Variants in WDR46 observed in about 807,000 individuals in gnomAD.
WDR46 encodes the protein WD repeat domain 46, also known as WD repeat-containing protein 46.
WDR46 carries 58 observed loss-of-function variants against 74.7 expected under a neutral mutation model. The observed-to-expected ratio is 0.78, with a 90% CI of 0.63 to 0.97. The LOEUF (loss-of-function observed/expected upper bound fraction) is 0.97, where lower values mean the gene tolerates loss of function less well. Among genes scored for constraint, WDR46 ranks in the 50% least tolerant of loss-of-function variants. The pLI, the probability that WDR46 is intolerant of heterozygous loss-of-function variation, is 0.00. For synonymous variants in WDR46, 278 were observed against 297.3 expected, an observed-to-expected ratio of 0.93 and a Z score of 0.67; for missense variants, 702 against 790.1, an observed-to-expected ratio of 0.89 and a Z score of 1.34.
At chr6:33,283,048 C>A (rs111270492) in intron 10 of WDR46, among the ~76,000 whole-genome samples, 7,427 of 151,962 alleles carry the variant, frequency 0.049, 386 homozygotes, top group African/African-American at 0.13. Context: ...ATCTGTACTA[C>A]AAATACAAAA....
chr6:33,279,718 T>C, intron 13 of WDR46, 46 bp downstream of exon 13: 3 of 1,612,104 alleles, frequency 1.9e-6, no homozygotes, highest in Non-Finnish European at 2.5e-6. Flanking sequence ...GGGGAGAGGA[T>C]GTGGGGGAGA....
In WDR46 at chr6:33,288,039, A is replaced by C. The variant is rs774015317; in HGVS notation, c.562-13T>G. ...TCAAGTCAAAGTGCTGGGAAAGAGA[A>C]GAGTGAAAAAAAAGAGTGCCCTGCA... On this transcript the variant is annotated splice_polypyrimidine_tract_variant and intron_variant, in intron 5 of 14. Coordinates refer to ENST00000374617, the MANE Select transcript of WDR46 (RefSeq NM_005452.6). 1.9e-6 allele frequency: 3 copies of C among 1,614,138 alleles called. No individual in the cohort carries two copies. Among genetic ancestry groups the C allele is most frequent in the East Asian group, 4.5e-5 (2 of 44,886 alleles).
intron 12 of WDR46, among the ~76,000 whole-genome samples, 153 bp downstream of exon 12, chr6:33,280,250 TACCTTCTCCAGCAGGGGGGAACCTG>T (rs1766023945): frequency 1.5e-5 from 2 of 136,766 alleles, no homozygotes; most frequent in African/African-American, 5.8e-5. Context: ...GAGGAAACCT[TACCTTCTCCAGCAGGGGGGAACCTG>T]ACCTTCTCCA....
intron 12 of WDR46, among the ~76,000 whole-genome samples, chr6:33,280,080 C>T (rs1253148141): frequency 6.6e-6 from 1 of 152,092 alleles, no homozygotes; most frequent in Non-Finnish European, 1.5e-5. Flanking sequence ...GCAATCTCAC[C>T]CTCTCCAGCA....
At position 33,279,170 on chromosome 6, in the gene WDR46, T is replaced by G; in HGVS notation, c.*106A>C. 2 of 1,483,966 alleles carry G rather than the reference T, an allele frequency of 1.3e-6. No individual in the cohort carries two copies. Among genetic ancestry groups the G allele is most frequent in the South Asian group, 1.2e-5 (1 of 80,636 alleles). 91.9% of individuals were successfully genotyped at this position (1,483,966 alleles called of 1,614,324 possible). A position where few individuals can be genotyped will look rare whatever the true frequency, so the allele number is the denominator to read the frequency against. ...CCAGGAGACAGCTGTCCACCCCCAGTTGGGGAAGGGGCCACACTGCCCCCA... is the reference window on the plus strand; with the variant it reads ...CCAGGAGACAGCTGTCCACCCCCAGGTGGGGAAGGGGCCACACTGCCCCCA... On this transcript the variant is annotated 3_prime_UTR_variant, in exon 15 of 15. Transcript: ENST00000374617.
chr6:33,284,633 G>A (rs893776092), intron 10 of WDR46: 20 of 153,662 alleles, frequency 1.3e-4, no homozygotes, highest in African/African-American at 4.6e-4. Flanking sequence ...GCTTATATGA[G>A]GGCTTTAAAC....
rs752513685 is a variant in WDR46 at position 33,287,556 on chromosome 6, A to T, written c.729-51T>A. 4.3e-6 allele frequency: 7 copies of T among 1,613,650 alleles called. No homozygotes were observed. In the East Asian group the frequency reaches 1.6e-4, roughly 36 times the overall value. On this transcript the variant is annotated intron_variant, in intron 7 of 14. Coordinates refer to ENST00000374617, the MANE Select transcript of WDR46 (RefSeq NM_005452.6). The stretch of plus-strand genomic sequence containing the variant: ...TTGGGAAATGAGGTCACAGGCTATC[A>T]TTCAATCAGGAATGGACTATCTCAC...
Position 33,288,044 on chromosome 6 carries a change from G to GA in WDR46, c.562-19dup, listed in dbSNP as rs760274083. The GA allele has an allele frequency of 6.2e-6, 10 of 1,613,548 alleles. No individual in the cohort carries two copies. The highest frequency in any genetic ancestry group is 3.3e-5 in the Admixed American group (2 of 59,954). On this transcript the variant is annotated intron_variant, in intron 5 of 14. Transcript: ENST00000374617. ...TCAAAGTGCTGGGAAAGAGAAGAGT[G>GA]AAAAAAAAGAGTGCCCTGCAGTAAC... is the stretch of plus-strand genomic sequence containing the variant.
Position 33,287,661 on chromosome 6 carries a change from CTTT to C in WDR46, c.678_680del (p.Lys228del). 2.5e-6 allele frequency: 4 copies of C among 1,614,040 alleles called. No individual in the cohort carries two copies. The highest frequency in any genetic ancestry group is 1.6e-4 in the Middle Eastern group (1 of 6,062). On this transcript the variant is annotated inframe_deletion, in exon 7 of 15. Coordinates refer to ENST00000374617, the MANE Select transcript of WDR46 (RefSeq NM_005452.6). ...TGACGTTGATCTCGCACATAAGCTT[CTTT>C]GTTACCCAATCAAGGGCAGCCACAT...
chr6:33,287,976 A>G lies in WDR46; in HGVS notation c.612T>C (p.Ser204=). 1 of 1,614,194 alleles carries G rather than the reference A, an allele frequency of 6.2e-7. No homozygotes were observed. Among genetic ancestry groups the G allele is most frequent in the Non-Finnish European group, 8.5e-7 (1 of 1,180,020 alleles). ...GAATTCAACCTTACCTTCCAGTTCG[A>G]GAGTAGTTTAGTCTGTAGGGTCCAA... The part of the protein sequence containing the change: ...RQFGPYRLNY[S]RTGRHLAFGG... Residue 204 remains serine (S), a synonymous_variant, in exon 6 of 15, where the codon TCT becomes TCC. Coordinates refer to ENST00000374617, the MANE Select transcript of WDR46 (RefSeq NM_005452.6).
intron 10 of WDR46, among the ~76,000 whole-genome samples, chr6:33,285,335 T>C (rs1170991055): frequency 6.6e-6 from 1 of 151,950 alleles, no homozygotes; most frequent in Non-Finnish European, 1.5e-5. Flanking sequence ...CCTGAGTAGC[T>C]GGGACTACAG....
intron 11 of WDR46, 63 bp from the exon 12 acceptor site, chr6:33,280,585 C>A: frequency 6.2e-7 from 1 of 1,601,772 alleles, no homozygotes; most frequent in African/African-American, 1.3e-5. Flanking sequence ...CAGCTCCAGC[C>A]CAACTAAGCC....
At chr6:33,284,999 C>T (rs1766491360) in intron 10 of WDR46, among the ~76,000 whole-genome samples, 1 of 152,222 alleles carries the variant, frequency 6.6e-6, no homozygotes, top group Non-Finnish European at 1.5e-5. Context: ...TCACATATCA[C>T]CTATCATTAC....
chr6:33,288,884 A>G lies in WDR46; in HGVS notation c.199T>C (p.Ser67Pro). 1 of 1,613,900 alleles carries G rather than the reference A, an allele frequency of 6.2e-7. No individual in the cohort carries two copies. Among genetic ancestry groups the G allele is most frequent in the South Asian group, 1.1e-5 (1 of 91,066 alleles). Residue 67 changes from serine to proline, a missense_variant, in exon 2 of 15, where the codon TCT becomes CCT. Physicochemically the swap from Ser to Pro is moderately conservative, Grantham distance 74. Coordinates refer to ENST00000374617, the MANE Select transcript of WDR46 (RefSeq NM_005452.6). ...ACCTGAGGCTTCTTAGAGATCCGAG[A>G]CTTCTTTAAGATGTAAGCATTTTTT... ...RPKNAYILKK[S>P]RISKKPQVPK...
intron 10 of WDR46, among the ~76,000 whole-genome samples, chr6:33,281,387 A>T (rs1415070044): frequency 1.3e-5 from 2 of 152,194 alleles, no homozygotes; most frequent in African/African-American, 4.8e-5. Context: ...AAGGGGAAGG[A>T]GCATGTGCAG....
At chr6:33,282,486 C>T (rs962390249) in intron 10 of WDR46, among the ~76,000 whole-genome samples, 4 of 152,166 alleles carry the variant, frequency 2.6e-5, no homozygotes, top group African/African-American at 9.7e-5. Flanking sequence ...AAAGACCAGC[C>T]CAGTGCCAAA....
chr6:33,285,037 A>C lies in WDR46; in HGVS notation c.1115+1758T>G, dbSNP rs567151432. On this transcript the variant is annotated intron_variant, in intron 10 of 14. Transcript: ENST00000374617. ...GTGTGAAAAGATGTTTTCAAAGATG[A>C]AATACTTGCAATCTCTACAGATCAG... 4.6e-5 allele frequency among the ~76,000 whole-genome samples: 7 copies of C among 152,340 alleles called. No homozygotes were observed. In the South Asian group the frequency reaches 1.2e-3, roughly 27 times the overall value.
In WDR46 at chr6:33,281,061, ATCAAGTCTGGC is replaced by A. The variant is rs1326681837; in HGVS notation, c.1116-85_1116-75del. On this transcript the variant is annotated intron_variant, in intron 10 of 14. Transcript: ENST00000374617. ...AAGCAAGCTGTGGCCAAGTCCAGGC[ATCAAGTCTGGC>A]TGGGGAGAAAAAGATTAATAGTAAT... 2.7e-6 allele frequency: 4 copies of A among 1,474,332 alleles called. No individual in the cohort carries two copies. The African/African-American group carries it at 5.6e-5, about 21-fold the overall frequency. The allele number at this position is 1,474,332 out of a possible 1,614,324, so 91.3% of individuals were successfully genotyped here. A position where few individuals can be genotyped will look rare whatever the true frequency, so the allele number is the denominator to read the frequency against.
At chr6:33,286,592 C>A (rs1766657561) in intron 10 of WDR46, among the ~76,000 whole-genome samples, 1 of 152,154 alleles carries the variant, frequency 6.6e-6, no homozygotes. Context: ...GAAATGGACA[C>A]TCATATTTCC....
Sources: allele counts gnomAD v4.1 joint callset (sites outside exome capture counted in the v4.1 genomes callset), GRCh38; gene constraint gnomAD v4.1.1; transcripts MANE v1.5; gene names NCBI Gene and HGNC (gene_info 2026-07-23, HGNC 2026-07-21).